SMYD3: variants seen among roughly 807,000 people sequenced by gnomAD.
SMYD3 encodes histone-lysine N-methyltransferase SMYD3.
In SMYD3, 36 loss-of-function variants were observed where a neutral mutation model predicts 57.7. The observed-to-expected ratio is 0.62, with a 90% CI of 0.48 to 0.82. SMYD3 has a LOEUF of 0.82. SMYD3 is among the 40% of genes least tolerant of loss of function. The pLI, the probability that SMYD3 is intolerant of heterozygous loss-of-function variation, is 0.00. For missense variants in SMYD3, 515 were observed against 538.8 expected (o/e 0.96, Z 0.44); for synonymous variants, 211 against 195.0 (o/e 1.08, Z -0.68).
intron 1 of SMYD3, among the ~76,000 whole-genome samples, chr1:246,406,456 A>C (rs11805778): frequency 6.6e-6 from 1 of 151,942 alleles, no homozygotes; most frequent in Non-Finnish European, 1.5e-5. Flanking sequence ...CTATGAGAGA[A>C]AATCAACACA....
chr1:246,429,647 A>G (rs1230313722), intron 1 of SMYD3, among the ~76,000 whole-genome samples: 1 of 152,224 alleles, frequency 6.6e-6, no homozygotes, highest in African/African-American at 2.4e-5. Flanking sequence ...ATATTAACTA[A>G]AAGAGTCGTC....
At chr1:246,244,744 T>C (rs971143609) in intron 5 of SMYD3, among the ~76,000 whole-genome samples, 6 of 152,174 alleles carry the variant, frequency 3.9e-5, no homozygotes, top group African/African-American at 1.2e-4. Flanking sequence ...ACTGTTTTCA[T>C]TGGACTCTTC....
chr1:245,835,357 A>T (rs2050056445), intron 10 of SMYD3, among the ~76,000 whole-genome samples: 1 of 152,016 alleles, frequency 6.6e-6, no homozygotes, highest in South Asian at 2.1e-4. Flanking sequence ...TGACCTCGTG[A>T]TCTGCCCACC....
chr1:246,494,837 A>C (rs919444662), intron 1 of SMYD3, among the ~76,000 whole-genome samples: 24 of 152,346 alleles, frequency 1.6e-4, no homozygotes, highest in Non-Finnish European at 3.1e-4. Context: ...CAATTATTTA[A>C]ATGTAAACAG....
intron 1 of SMYD3, among the ~76,000 whole-genome samples, chr1:246,359,932 C>T (rs2065962824): frequency 6.6e-6 from 1 of 152,042 alleles, no homozygotes; most frequent in Non-Finnish European, 1.5e-5. Flanking sequence ...ACCACTTCTA[C>T]TCAACATAGT....
chr1:245,793,606 T>C (rs1236564749), intron 10 of SMYD3, among the ~76,000 whole-genome samples: 2 of 151,964 alleles, frequency 1.3e-5, no homozygotes, highest in African/African-American at 4.8e-5. Flanking sequence ...CAGGCCCCTC[T>C]TGGTCTCTCA....
chr1:246,313,867 GA>G, intron 5 of SMYD3, among the ~76,000 whole-genome samples: 1 of 152,232 alleles, frequency 6.6e-6, no homozygotes, highest in African/African-American at 2.4e-5. Flanking sequence ...GAATCATAGG[GA>G]AAAGCACACC....
At chr1:246,048,308 G>C (rs1572942027) in intron 5 of SMYD3, among the ~76,000 whole-genome samples, 1 of 152,110 alleles carries the variant, frequency 6.6e-6, no homozygotes, top group Non-Finnish European at 1.5e-5. Flanking sequence ...ATATTTCTTG[G>C]GGAAATTTGG....
At chr1:245,785,780 C>T (rs1378269764) in intron 10 of SMYD3, among the ~76,000 whole-genome samples, 1 of 152,110 alleles carries the variant, frequency 6.6e-6, no homozygotes, top group Non-Finnish European at 1.5e-5. Context: ...CTCCCTGTAA[C>T]CTCAAACTCC....
chr1:246,133,450 A>G (rs1230499750), intron 5 of SMYD3, among the ~76,000 whole-genome samples: 1 of 152,162 alleles, frequency 6.6e-6, no homozygotes, highest in East Asian at 1.9e-4. Flanking sequence ...AAATACTTCT[A>G]AAGACCTGAG....
At chr1:245,887,488 A>G (rs1325974975) in intron 8 of SMYD3, among the ~76,000 whole-genome samples, 1 of 152,106 alleles carries the variant, frequency 6.6e-6, no homozygotes, top group African/African-American at 2.4e-5. Context: ...CTCGCCCTGA[A>G]TTCTTTCTTG....
chr1:245,905,250 T>G (rs1005599695), intron 8 of SMYD3, among the ~76,000 whole-genome samples: 1 of 151,964 alleles, frequency 6.6e-6, no homozygotes, highest in African/African-American at 2.4e-5. Context: ...TACCAACATC[T>G]TAGGTACCAA....
At chr1:245,797,461 G>A (rs1184320933) in intron 10 of SMYD3, among the ~76,000 whole-genome samples, 2 of 148,656 alleles carry the variant, frequency 1.3e-5, no homozygotes, top group African/African-American at 5.0e-5. Context: ...TCACTGATAG[G>A]TGGGAACTGA....
chr1:246,073,598 C>T (rs1341810956), intron 5 of SMYD3, among the ~76,000 whole-genome samples: 6 of 152,182 alleles, frequency 3.9e-5, no homozygotes, highest in Admixed American at 2.0e-4. Context: ...CTACCTGCAG[C>T]CCCAGCTACT....
chr1:246,154,980 A>G (rs1328666295), intron 5 of SMYD3, among the ~76,000 whole-genome samples: 1 of 151,898 alleles, frequency 6.6e-6, no homozygotes, highest in Non-Finnish European at 1.5e-5. Context: ...ACAGGGTTTC[A>G]CCGTGTTAGC....
intron 5 of SMYD3, among the ~76,000 whole-genome samples, chr1:246,039,889 G>C (rs1404323754): frequency 6.6e-6 from 1 of 152,138 alleles, no homozygotes; most frequent in African/African-American, 2.4e-5. Flanking sequence ...CTTGCCACTA[G>C]ATCAAAAGGG....
intron 1 of SMYD3, among the ~76,000 whole-genome samples, chr1:246,385,535 G>C (rs1217241259): frequency 6.6e-6 from 1 of 151,990 alleles, no homozygotes; most frequent in African/African-American, 2.4e-5. Context: ...GGAGAGAAAG[G>C]ACCCACCTTC....
intron 1 of SMYD3, among the ~76,000 whole-genome samples, chr1:246,361,628 AAAT>A (rs1365251441): frequency 6.6e-6 from 1 of 152,228 alleles, no homozygotes; most frequent in Non-Finnish European, 1.5e-5. Context: ...AAAAGGAACA[AAAT>A]AATGGCATTC....
At chr1:245,825,512 C>T (rs1205386418) in intron 10 of SMYD3, among the ~76,000 whole-genome samples, 1 of 152,112 alleles carries the variant, frequency 6.6e-6, no homozygotes, top group Admixed American at 6.5e-5. Flanking sequence ...GGGCGGAGGG[C>T]TTCTGTGTCT....
Sources: allele counts gnomAD v4.1 joint callset (sites outside exome capture counted in the v4.1 genomes callset), GRCh38; gene constraint gnomAD v4.1.1; transcripts MANE v1.5; gene names NCBI Gene and HGNC (gene_info 2026-07-23, HGNC 2026-07-21).